ENTPD5: variants seen among roughly 807,000 people sequenced by gnomAD.
ENTPD5 encodes nucleoside diphosphate phosphatase ENTPD5.
Under a neutral mutation model 60.2 loss-of-function variants are expected in ENTPD5, and 49 were observed. The observed-to-expected ratio is 0.81, with a 90% CI of 0.65 to 1.03. The LOEUF (loss-of-function observed/expected upper bound fraction) is 1.03. Ranked by LOEUF, ENTPD5 falls within the 50% of genes least tolerant of loss-of-function variation. The pLI is 0.00. For missense variants in ENTPD5, 480 were observed against 507.6 expected (o/e 0.95, Z 0.52); for synonymous variants, 187 against 185.4 (o/e 1.01, Z -0.07).
chr14:73,968,315 G>A (rs1195471974), intron 15 of ENTPD5, among the ~76,000 whole-genome samples: 1 of 152,012 alleles, frequency 6.6e-6, no homozygotes, highest in African/African-American at 2.4e-5. Flanking sequence ...GGGTTTCTTA[G>A]AAATGCTTCG....
chr14:73,967,576 G>A (rs549352016), intron 15 of ENTPD5, among the ~76,000 whole-genome samples: 1 of 152,182 alleles, frequency 6.6e-6, no homozygotes, highest in Non-Finnish European at 1.5e-5. Context: ...GGAGGCCAAG[G>A]CAGGTGGATT....
chr14:73,973,852 T>C, intron 12 of ENTPD5, 25 bp downstream of exon 12: 1 of 1,596,540 alleles, frequency 6.3e-7, no homozygotes, highest in Non-Finnish European at 8.6e-7. Context: ...AACGTAACTT[T>C]AACCAGTGAA....
chr14:73,975,549 T>A (rs11625480), intron 10 of ENTPD5, among the ~76,000 whole-genome samples: 47,820 of 151,438 alleles, frequency 0.32, 9,103 homozygotes, highest in Non-Finnish European at 0.42. Flanking sequence ...GGATTACAGG[T>A]GTGCGCTGTC....
chr14:73,967,805 A>C (rs1287105969), intron 15 of ENTPD5, among the ~76,000 whole-genome samples: 2 of 148,314 alleles, frequency 1.3e-5, no homozygotes, highest in Non-Finnish European at 3.0e-5. Flanking sequence ...GTCTCAAAAA[A>C]AAAAAAAAAA....
chr14:74,014,387 C>A (rs116588910), intron 2 of ENTPD5, among the ~76,000 whole-genome samples: 16 of 149,032 alleles, frequency 1.1e-4, no homozygotes, highest in South Asian at 4.6e-4. Context: ...TACTCCCCCC[C>A]CCCACAAAAA....
chr14:73,988,606 A>G (rs939918704), intron 3 of ENTPD5, among the ~76,000 whole-genome samples: 7 of 152,182 alleles, frequency 4.6e-5, no homozygotes, highest in African/African-American at 7.2e-5. Context: ...ATCAAACACT[A>G]TAACTTATTC....
At chr14:73,976,249 TG>T in intron 9 of ENTPD5, 74 bp downstream of exon 9, 1 of 1,302,046 alleles carries the variant, frequency 7.7e-7, no homozygotes, top group Non-Finnish European at 1.1e-6. Flanking sequence ...TGGCTGAAAA[TG>T]GGGCGCCTCT....
intron 2 of ENTPD5, among the ~76,000 whole-genome samples, chr14:74,011,929 A>C (rs1376815678): frequency 6.6e-6 from 1 of 152,184 alleles, no homozygotes; most frequent in Non-Finnish European, 1.5e-5. Context: ...GAATCACTTA[A>C]GAATTTGAGT....
At chr14:73,958,072 GT>G (rs948836547), downstream of ENTPD5, 1 of 1,221,064 alleles carries the variant, frequency 8.2e-7, no homozygotes, top group African/African-American at 1.5e-5. Context: ...CTTGCTTTAG[GT>G]TTAGTTATGG....
chr14:74,010,079 C>T (rs2058800796), intron 3 of ENTPD5, among the ~76,000 whole-genome samples: 1 of 152,094 alleles, frequency 6.6e-6, no homozygotes, highest in Non-Finnish European at 1.5e-5. Context: ...CGTAAGCCAC[C>T]GCACCCAGCC....
At position 73,965,692 on chromosome 14, in the gene ENTPD5, G is replaced by C. The variant is rs942997834; in HGVS notation, c.*1236C>G. The C allele has an allele frequency of 2.0e-5, 3 of 152,162 alleles. No homozygotes were observed. Among genetic ancestry groups the C allele is most frequent in the Admixed American group, 6.6e-5 (1 of 15,262 alleles). The allele number at this position is 152,162 out of a possible 1,614,324, so 9.4% of individuals were successfully genotyped here. On this transcript the variant is annotated 3_prime_UTR_variant, in exon 16 of 16. Coordinates refer to ENST00000334696, the MANE Select transcript of ENTPD5 (RefSeq NM_001249.5). ...GCTGAGATTGCGCCACTCCACTCTA[G>C]CCTGAGCAACAGAGCAAGACTCCAT...
chr14:73,999,496 C>CA (rs200756207), intron 3 of ENTPD5, among the ~76,000 whole-genome samples: 13,983 of 147,028 alleles, frequency 0.095, 699 homozygotes, highest in South Asian at 0.14. Flanking sequence ...CCCCACCCCC[C>CA]CAAAAAAAAC....
intron 3 of ENTPD5, among the ~76,000 whole-genome samples, 186 bp from the exon 4 acceptor site, chr14:73,988,358 T>C (rs138739733): frequency 6.6e-6 from 1 of 152,266 alleles, no homozygotes; most frequent in Non-Finnish European, 1.5e-5. Context: ...CAAAAGGAAA[T>C]TGGAATTGAA....
intron 3 of ENTPD5, among the ~76,000 whole-genome samples, chr14:73,988,411 T>C (rs978352827): frequency 6.6e-6 from 1 of 152,210 alleles, no homozygotes; most frequent in Non-Finnish European, 1.5e-5. Flanking sequence ...TACAGAGTAA[T>C]TGTACATATT....
intron 6 of ENTPD5, among the ~76,000 whole-genome samples, chr14:73,982,119 G>A (rs1235338090): frequency 6.6e-6 from 1 of 152,290 alleles, no homozygotes; most frequent in Admixed American, 6.5e-5. Flanking sequence ...CTGTTGCGCA[G>A]GCTGGAGTGC....
intron 2 of ENTPD5, 86 bp downstream of exon 2, chr14:74,015,738 A>G (rs183148702): frequency 6.6e-6 from 1 of 152,324 alleles, no homozygotes; most frequent in African/African-American, 2.4e-5. Context: ...GGCAAAAAAC[A>G]GAGAATTAAA....
At chr14:74,008,308 T>C (rs2058741842) in intron 3 of ENTPD5, among the ~76,000 whole-genome samples, 2 of 152,106 alleles carry the variant, frequency 1.3e-5, no homozygotes, top group African/African-American at 4.8e-5. Context: ...CCAAATCTGA[T>C]CATGTTTCCA....
intron 2 of ENTPD5, among the ~76,000 whole-genome samples, chr14:74,012,225 C>T (rs2058867111): frequency 6.6e-6 from 1 of 152,248 alleles, no homozygotes; most frequent in South Asian, 2.1e-4. Context: ...CCACCTCAGC[C>T]TCCCAAGTAG....
At chr14:73,992,437 C>A (rs910801939) in intron 3 of ENTPD5, among the ~76,000 whole-genome samples, 1 of 152,040 alleles carries the variant, frequency 6.6e-6, no homozygotes, top group Non-Finnish European at 1.5e-5. Flanking sequence ...ATAATCCCAG[C>A]ACTTTGGGAG....
Sources: gnomAD v4.1 joint callset for allele counts (sites outside exome capture counted in the v4.1 genomes callset) on GRCh38, gnomAD v4.1.1 for gene constraint, MANE v1.5 for transcripts, NCBI Gene and HGNC (gene_info 2026-07-23, HGNC 2026-07-21) for gene names.